Variants in IFRD1 observed in about 807,000 individuals in gnomAD.
IFRD1 encodes the protein interferon related developmental regulator 1.
In IFRD1, 35 loss-of-function variants were observed where a neutral mutation model predicts 52.9. That is an observed-to-expected ratio of 0.66 (90% CI 0.51 to 0.88). The LOEUF (loss-of-function observed/expected upper bound fraction) is 0.88, where lower values mean the gene tolerates loss of function less well. IFRD1 is among the 40% of genes least tolerant of loss of function. The pLI is 0.00. For missense variants in IFRD1, 517 were observed against 550.8 expected (o/e 0.94, Z 0.61); for synonymous variants, 184 against 188.4 (o/e 0.98, Z 0.19).
chr7:112,424,518 G>A (rs1020141839), intron 1 of IFRD1, among the ~76,000 whole-genome samples: 2 of 151,798 alleles, frequency 1.3e-5, no homozygotes, highest in Non-Finnish European at 1.5e-5. Context: ...AGGTTCAAGC[G>A]ATTCTCCTGC....
At chr7:112,454,190 CATTGGTACTTTTTTTTTTTTGAGACAGA>C (rs1268298488) in intron 1 of IFRD1, among the ~76,000 whole-genome samples, 1 of 151,638 alleles carries the variant, frequency 6.6e-6, no homozygotes, top group African/African-American at 2.4e-5. Context: ...TTAGTAACAG[CATTGGTACTTTTTTTTTTTTGAGACAGA>C]ATTTTACTCT....
intron 1 of IFRD1, among the ~76,000 whole-genome samples, chr7:112,433,380 G>A (rs933535033): frequency 1.3e-5 from 2 of 152,168 alleles, no homozygotes; most frequent in Non-Finnish European, 2.9e-5. Context: ...GGTGGGGCCA[G>A]AAGACCAGAT....
At chr7:112,474,710 CCATTG>C (rs1356034405) in intron 11 of IFRD1, among the ~76,000 whole-genome samples, 1 of 152,098 alleles carries the variant, frequency 6.6e-6, no homozygotes, top group Non-Finnish European at 1.5e-5. Flanking sequence ...AGATTTGACA[CCATTG>C]AGTTTTATAA....
chr7:112,450,891 A>G, intron 1 of IFRD1, 109 bp downstream of exon 1: 2 of 788,306 alleles, frequency 2.5e-6, no homozygotes, highest in South Asian at 1.5e-5. Flanking sequence ...ACACATTTGC[A>G]TTTCCAGGGT....
chr7:112,433,960 C>T (rs1563256481), intron 1 of IFRD1, among the ~76,000 whole-genome samples: 1 of 152,016 alleles, frequency 6.6e-6, no homozygotes, highest in Non-Finnish European at 1.5e-5. Flanking sequence ...GCGGGGACCA[C>T]AGGCGTGAGC....
intron 8 of IFRD1, among the ~76,000 whole-genome samples, chr7:112,463,301 G>A (rs1312207402): frequency 6.6e-6 from 1 of 152,094 alleles, no homozygotes; most frequent in East Asian, 1.9e-4. Context: ...TTAATTTAAG[G>A]AGAAAGAATA....
intron 9 of IFRD1, 99 bp downstream of exon 9, chr7:112,468,214 T>C: frequency 1.5e-6 from 2 of 1,314,294 alleles, no homozygotes; most frequent in Non-Finnish European, 2.2e-6. Flanking sequence ...AATTTCACCT[T>C]TGAAAATAAT....
chr7:112,454,101 T>G (rs759552551), intron 1 of IFRD1, among the ~76,000 whole-genome samples: 4 of 152,214 alleles, frequency 2.6e-5, no homozygotes, highest in Non-Finnish European at 4.4e-5. Context: ...ACAAAATCCC[T>G]AAGTGACTGT....
At chr7:112,462,201 T>C in intron 7 of IFRD1, 22 bp downstream of exon 7, 1 of 1,612,700 alleles carries the variant, frequency 6.2e-7, no homozygotes, top group South Asian at 1.1e-5. Flanking sequence ...TAGTTTCATA[T>C]TTTATAAAAG....
intron 11 of IFRD1, among the ~76,000 whole-genome samples, chr7:112,474,968 A>AT (rs762603121): frequency 3.0e-4 from 46 of 151,082 alleles, no homozygotes; most frequent in South Asian, 1.3e-3. Flanking sequence ...TTATTTATTT[A>AT]TTTTTTTTGA....
At chr7:112,448,144 A>C (rs2117273306), upstream of IFRD1, among the ~76,000 whole-genome samples, 1 of 146,040 alleles carries the variant, frequency 6.8e-6, no homozygotes, top group African/African-American at 2.5e-5. Context: ...AAAAAAAAAG[A>C]AAGAAAAGTA....
chr7:112,445,283 G>A (rs1043323014), intron 1 of IFRD1, among the ~76,000 whole-genome samples: 4 of 151,862 alleles, frequency 2.6e-5, no homozygotes, highest in Admixed American at 2.0e-4. Context: ...AGCCAGGATG[G>A]TCTCGATCTC....
In IFRD1 at chr7:112,461,854, T is replaced by G. The variant is rs2708609; in HGVS notation, c.568-12T>G. On this transcript the variant is annotated splice_polypyrimidine_tract_variant and intron_variant, in intron 5 of 11. Coordinates refer to ENST00000403825, the MANE Select transcript of IFRD1 (RefSeq NM_001550.4). ...ATCATTAATGTCTATATATATATAT[T>G]TTTTTTTTTAGTGTGCAACTTGCTT... 1.7e-6 allele frequency: 2 copies of G among 1,195,914 alleles called. No individual in the cohort carries two copies. The highest frequency in any genetic ancestry group is 3.3e-5 in the South Asian group (2 of 61,394). 74.1% of individuals were successfully genotyped at this position (1,195,914 alleles called of 1,614,324 possible).
chr7:112,453,547 A>G (rs1457680728), intron 1 of IFRD1, among the ~76,000 whole-genome samples: 1 of 152,322 alleles, frequency 6.6e-6, no homozygotes, highest in East Asian at 1.9e-4. Flanking sequence ...ATACTCTTAG[A>G]AATAGGCTAT....
At chr7:112,459,922 A>G (rs543313539) in intron 5 of IFRD1, among the ~76,000 whole-genome samples, 6 of 152,286 alleles carry the variant, frequency 3.9e-5, no homozygotes, top group African/African-American at 9.6e-5. Flanking sequence ...CTTCATAGTA[A>G]TCTCTGTGCC....
chr7:112,471,379 T>C (rs965434903), intron 9 of IFRD1, among the ~76,000 whole-genome samples: 2 of 152,152 alleles, frequency 1.3e-5, no homozygotes, highest in Admixed American at 1.3e-4. Context: ...ATTATATACT[T>C]TGTCTGCTGA....
chr7:112,435,621 G>GGGGTGTGTGTGTGTGTGTGTGTGTGTGT (rs1554503431), intron 1 of IFRD1: 1 of 108,928 alleles, frequency 9.2e-6, no homozygotes, highest in Non-Finnish European at 1.9e-5. Flanking sequence ...ATCTGCTACA[G>GGGGTGTGTGTGTGTGTGTGTGTGTGTGT]GTGTGTGTGT....
intron 11 of IFRD1, 150 bp downstream of exon 11, chr7:112,473,011 C>A: frequency 1.5e-6 from 1 of 656,744 alleles, no homozygotes; most frequent in Non-Finnish European, 2.7e-6. Flanking sequence ...ATACAGAAAG[C>A]ATTTAGAGTG....
rs772248543 is a variant in IFRD1, at chr7:112,450,778, A to C, written c.90A>C (p.Thr30=). The change falls in exon 1 of 12, where the codon ACA becomes ACC. Residue 30 remains threonine (T), a synonymous_variant. Transcript: ENST00000403825. ...GSGAAAATAA[T]AGGQHRNVQP... ...GAGCAGCCGCAGCGACGGCGGCGAC[A>C]GCAGGTAAGGGGTATCCCCGCCGCC... 1.9e-6 allele frequency: 3 copies of C among 1,611,000 alleles called. No individual in the cohort carries two copies. The South Asian group carries it at 3.3e-5, about 18-fold the overall frequency.
Sources: allele counts gnomAD v4.1 joint callset (sites outside exome capture counted in the v4.1 genomes callset), GRCh38; gene constraint gnomAD v4.1.1; transcripts MANE v1.5; gene names NCBI Gene and HGNC (gene_info 2026-07-23, HGNC 2026-07-21).